Variants in PPARGC1A observed in about 807,000 individuals in gnomAD.
PPARGC1A encodes PPARG coactivator 1 alpha.
A neutral mutation model predicts 88.7 loss-of-function variants in PPARGC1A; 25 were observed. That is an observed-to-expected ratio of 0.28 (90% CI 0.21 to 0.39). PPARGC1A has a LOEUF of 0.39. Ranked by LOEUF, PPARGC1A falls within the 10% of genes least tolerant of loss-of-function variation. The pLI, the probability that PPARGC1A is intolerant of heterozygous loss-of-function variation, is 1.00. For missense variants in PPARGC1A, 880 were observed against 968.7 expected (o/e 0.91, Z 1.22); for synonymous variants, 363 against 355.6 (o/e 1.02, Z -0.24).
chr4:24,053,656 C>T, the PPARGC1A span, among the ~76,000 whole-genome samples: 2 of 152,180 alleles, frequency 1.3e-5, no homozygotes, highest in Admixed American at 6.5e-5. Context: ...GGGTTTGAAT[C>T]TCAGCCATTT....
At chr4:24,091,518 T>C in the PPARGC1A span, 1 of 985,346 alleles carries the variant, frequency 1.0e-6, no homozygotes, top group Non-Finnish European at 1.2e-6. Flanking sequence ...TCTTCCAGCC[T>C]TGGGGAGGTC....
At chr4:24,068,015 T>C in the PPARGC1A span, among the ~76,000 whole-genome samples, 5 of 152,216 alleles carry the variant, frequency 3.3e-5, no homozygotes, top group Non-Finnish European at 7.3e-5. Flanking sequence ...TGTGTGTGTG[T>C]GTGCATGTGT....
the PPARGC1A span, among the ~76,000 whole-genome samples, chr4:24,273,382 T>G: frequency 2.2e-4 from 33 of 152,190 alleles, no homozygotes; most frequent in Non-Finnish European, 3.7e-4. Flanking sequence ...TGTGAACCCT[T>G]AATGAAATGC....
At chr4:24,123,395 T>C in the PPARGC1A span, among the ~76,000 whole-genome samples, 7,739 of 152,230 alleles carry the variant, frequency 0.051, 249 homozygotes, top group East Asian at 0.17. Context: ...TTTTACACAG[T>C]TGACTTTTTT....
At chr4:24,442,719 A>C in the PPARGC1A span, among the ~76,000 whole-genome samples, 149,091 of 152,262 alleles carry the variant, frequency 0.98, 73,071 homozygotes, top group East Asian at 1. Context: ...TGGGACAGTA[A>C]AGGTGTGGAA....
the PPARGC1A span, among the ~76,000 whole-genome samples, chr4:24,464,161 T>C: frequency 3.9e-5 from 6 of 152,366 alleles, no homozygotes; most frequent in South Asian, 8.3e-4. Context: ...TACCAAATTG[T>C]CAGTGGAATT....
the PPARGC1A span, among the ~76,000 whole-genome samples, chr4:24,114,120 T>TCA: frequency 4.4e-5 from 3 of 67,680 alleles, no homozygotes; most frequent in African/African-American, 5.8e-5. Context: ...AGAGACTCCA[T>TCA]CACAAAAAAA....
chr4:23,919,200 C>A, the PPARGC1A span, among the ~76,000 whole-genome samples: 1 of 152,126 alleles, frequency 6.6e-6, no homozygotes, highest in African/African-American at 2.4e-5. Context: ...ATACTCCTAG[C>A]TATATCAAAA....
chr4:24,418,598 C>T, the PPARGC1A span, among the ~76,000 whole-genome samples: 1 of 151,834 alleles, frequency 6.6e-6, no homozygotes, highest in Admixed American at 6.6e-5. Flanking sequence ...GAACCCAGGC[C>T]AGGTATGAAC....
chr4:24,117,977 C>T, the PPARGC1A span, among the ~76,000 whole-genome samples: 32 of 152,216 alleles, frequency 2.1e-4, no homozygotes, highest in East Asian at 3.3e-3. Flanking sequence ...GAATTCCACA[C>T]GACAAGAGCA....
the PPARGC1A span, among the ~76,000 whole-genome samples, chr4:24,105,667 T>G: frequency 4.9e-4 from 75 of 152,214 alleles, no homozygotes; most frequent in African/African-American, 1.7e-3. Flanking sequence ...ATGGTGTTTG[T>G]GTAGAGCCTA....
chr4:23,904,263 C>G (rs185569275), upstream of PPARGC1A, among the ~76,000 whole-genome samples: 69 of 152,306 alleles, frequency 4.5e-4, 1 homozygote, highest in African/African-American at 1.5e-3. Context: ...TCCAGCAGCC[C>G]TGTGTCTCGA....
At chr4:24,058,317 T>A in the PPARGC1A span, among the ~76,000 whole-genome samples, 1 of 152,196 alleles carries the variant, frequency 6.6e-6, no homozygotes, top group Non-Finnish European at 1.5e-5. Flanking sequence ...AGTGAGACAG[T>A]TCTCTGTCAT....
At chr4:24,379,319 T>C in the PPARGC1A span, among the ~76,000 whole-genome samples, 1 of 152,110 alleles carries the variant, frequency 6.6e-6, no homozygotes, top group African/African-American at 2.4e-5. Context: ...GGTTGGTTAA[T>C]AGGTAGAAAC....
the PPARGC1A span, among the ~76,000 whole-genome samples, chr4:24,417,072 G>A: frequency 8.6e-5 from 13 of 151,718 alleles, no homozygotes; most frequent in African/African-American, 2.9e-4. Flanking sequence ...AGAAATTTGG[G>A]GATAGGAACT....
chr4:24,226,015 G>GC, the PPARGC1A span, among the ~76,000 whole-genome samples: 1 of 152,094 alleles, frequency 6.6e-6, no homozygotes, highest in African/African-American at 2.4e-5. Context: ...CACAAAACGG[G>GC]AAAGGATGAG....
intron 1 of PPARGC1A, among the ~76,000 whole-genome samples, chr4:23,886,163 A>C (rs556944861): frequency 6.6e-6 from 1 of 152,222 alleles, no homozygotes; most frequent in Non-Finnish European, 1.5e-5. Context: ...ACACTGACGC[A>C]GCACCCTCAT....
chr4:24,085,336 T>G, the PPARGC1A span, among the ~76,000 whole-genome samples: 1 of 152,216 alleles, frequency 6.6e-6, no homozygotes, highest in Non-Finnish European at 1.5e-5. Flanking sequence ...TGCTTTACAG[T>G]AATAAAAGTT....
At chr4:23,956,851 T>C in the PPARGC1A span, among the ~76,000 whole-genome samples, 1 of 152,098 alleles carries the variant, frequency 6.6e-6, no homozygotes, top group Non-Finnish European at 1.5e-5. Flanking sequence ...ATTGTAACCA[T>C]AGCCACAAAG....
Sources: allele counts gnomAD v4.1 joint callset (sites outside exome capture counted in the v4.1 genomes callset), GRCh38; gene constraint gnomAD v4.1.1; transcripts MANE v1.5; gene names NCBI Gene and HGNC (gene_info 2026-07-23, HGNC 2026-07-21).